Variants in WDR70 observed in about 807,000 individuals in gnomAD.
WDR70 encodes WD repeat domain 70.
A neutral mutation model predicts 88.6 loss-of-function variants in WDR70; 53 were observed. The observed-to-expected ratio is 0.60, with a 90% CI of 0.48 to 0.75. The LOEUF (loss-of-function observed/expected upper bound fraction) is 0.75, where lower values mean the gene tolerates loss of function less well. Ranked by LOEUF, WDR70 falls within the 30% of genes least tolerant of loss-of-function variation. WDR70 has a pLI of 0.00. For synonymous variants in WDR70, 280 were observed against 270.0 expected (o/e 1.04, Z -0.36); for missense variants, 610 against 823.2 (o/e 0.74, Z 3.17).
intron 10 of WDR70, among the ~76,000 whole-genome samples, chr5:37,693,948 C>G (rs565795496): frequency 6.6e-6 from 1 of 152,344 alleles, no homozygotes; most frequent in Non-Finnish European, 1.5e-5. Flanking sequence ...TTTTTGCTAT[C>G]TACCTATCTG....
chr5:37,430,134 G>A (rs2112018943), intron 5 of WDR70, among the ~76,000 whole-genome samples: 1 of 152,252 alleles, frequency 6.6e-6, no homozygotes, highest in East Asian at 1.9e-4. Flanking sequence ...CACCCAGCCT[G>A]TTTTAAAGTT....
chr5:37,408,346 C>T (rs1226811596), intron 5 of WDR70, among the ~76,000 whole-genome samples: 4 of 152,018 alleles, frequency 2.6e-5, no homozygotes, highest in South Asian at 2.1e-4. Context: ...TCATGGCACA[C>T]GCCTGTAATC....
chr5:37,605,122 C>A lies in WDR70; in HGVS notation c.976C>A (p.Arg326=). ...PKKQKSVFKP[R]TMQGKKVIPT... is the part of the protein sequence containing the mutation. ...GAAGCAAAAAAGTGTGTTTAAACCA[C>A]GGACGATGCAAGGCAAAAAAGTCAT... Residue 326 remains arginine (R), a synonymous_variant, in exon 10 of 18, where the codon CGG becomes AGG. Coordinates refer to ENST00000265107, the MANE Select transcript of WDR70 (RefSeq NM_018034.4). 6.2e-7 allele frequency: 1 copy of A among 1,612,734 alleles called. No homozygotes were observed. Among genetic ancestry groups the A allele is most frequent in the Non-Finnish European group, 8.5e-7 (1 of 1,179,462 alleles).
intron 8 of WDR70, among the ~76,000 whole-genome samples, chr5:37,499,035 G>T (rs539134617): frequency 6.6e-6 from 1 of 152,070 alleles, no homozygotes; most frequent in Admixed American, 6.5e-5. Context: ...CATTCAAATA[G>T]GTGTTTAGTG....
chr5:37,543,930 G>A (rs963154977), intron 9 of WDR70, among the ~76,000 whole-genome samples: 1 of 152,022 alleles, frequency 6.6e-6, no homozygotes, highest in Admixed American at 6.6e-5. Flanking sequence ...TGCCACACCT[G>A]GCTAATCTTT....
Position 37,752,685 on chromosome 5 carries a change from T to G in WDR70, c.*112T>G. On this transcript the variant is annotated 3_prime_UTR_variant, in exon 18 of 18. Coordinates refer to ENST00000265107, the MANE Select transcript of WDR70 (RefSeq NM_018034.4). ...TCATTTTTATGAACAGGTTTTGTCC[T>G]TTGCATTATTGAACTGGTCAAAAGT... 2 of 823,068 alleles carry G rather than the reference T, an allele frequency of 2.4e-6. No homozygotes were observed. The allele number at this position is 823,068 out of a possible 1,614,324, so 51.0% of individuals were successfully genotyped here.
chr5:37,396,663 C>T lies in WDR70; in HGVS notation c.492+93C>T, dbSNP rs560114974. On this transcript the variant is annotated intron_variant, in intron 5 of 17. Transcript: ENST00000265107. ...TAAACTGTTTTTCATGAGTAAGAGC[C>T]AATTTAAAAACTGAGGAAAGGCCGG... 32 of 1,434,696 alleles carry T rather than the reference C, an allele frequency of 2.2e-5. No homozygotes were observed. The South Asian group carries it at 4.5e-4, about 20-fold the overall frequency. 88.9% of individuals were successfully genotyped at this position (1,434,696 alleles called of 1,614,324 possible).
In WDR70 at chr5:37,483,746, C is replaced by T. The variant is rs562525056; in HGVS notation, c.840+3759C>T. On this transcript the variant is annotated intron_variant, in intron 8 of 17. Transcript: ENST00000265107. Reference sequence around the variant, plus strand: ...GAGGAGGTGCCCCCCACCTCCCTCCCGGACGGGGCGGCTGGCCGGGCGGGG... The same window carrying T: ...GAGGAGGTGCCCCCCACCTCCCTCCTGGACGGGGCGGCTGGCCGGGCGGGG... 3.2e-3 allele frequency among the ~76,000 whole-genome samples: 484 copies of T among 150,002 alleles called. 1 individual carries two copies. The highest frequency in any genetic ancestry group is 0.011 in the African/African-American group (438 of 40,688).
At chr5:37,640,791 TTTTC>T (rs1205764566) in intron 10 of WDR70, among the ~76,000 whole-genome samples, 2 of 152,230 alleles carry the variant, frequency 1.3e-5, no homozygotes, top group African/African-American at 4.8e-5. Flanking sequence ...GAATTGGAAC[TTTTC>T]TTTCTATCAG....
At chr5:37,506,909 C>T in intron 8 of WDR70, 2 of 900,032 alleles carry the variant, frequency 2.2e-6, no homozygotes, top group Middle Eastern at 3.4e-4. Context: ...CCACTTGGTC[C>T]TCCTCCCACC....
intron 2 of WDR70, among the ~76,000 whole-genome samples, chr5:37,380,876 AG>A (rs763042247): frequency 6.6e-6 from 1 of 152,122 alleles, no homozygotes; most frequent in Non-Finnish European, 1.5e-5. Context: ...CAATCTCCTG[AG>A]CTCAAGCAGT....
chr5:37,442,388 G>C (rs1421950141), intron 6 of WDR70, among the ~76,000 whole-genome samples: 1 of 148,878 alleles, frequency 6.7e-6, no homozygotes, highest in African/African-American at 2.5e-5. Flanking sequence ...ACCCAGGGTG[G>C]AATGCAGTGG....
intron 5 of WDR70, among the ~76,000 whole-genome samples, chr5:37,413,083 G>C (rs1215528525): frequency 6.6e-6 from 1 of 152,102 alleles, no homozygotes; most frequent in Non-Finnish European, 1.5e-5. Flanking sequence ...CTTTAAAACA[G>C]AGTAATTTAA....
chr5:37,695,324 G>A lies in WDR70; in HGVS notation c.1093-2331G>A, dbSNP rs74368968. ...GTCCCACCTCCAACATTGTGAATTAGAATTTGACATGAGATTTGGGTGGGG... is the reference window on the plus strand; with the variant it reads ...GTCCCACCTCCAACATTGTGAATTAAAATTTGACATGAGATTTGGGTGGGG... On this transcript the variant is annotated intron_variant, in intron 10 of 17. Transcript: ENST00000265107. Among the ~76,000 whole-genome samples the A allele has an allele frequency of 2.0e-5, 3 of 152,276 alleles. No individual in the cohort carries two copies. The East Asian group carries it at 5.8e-4, about 29-fold the overall frequency.
chr5:37,712,700 T>A (rs541961106), intron 13 of WDR70, among the ~76,000 whole-genome samples: 2 of 152,150 alleles, frequency 1.3e-5, no homozygotes, highest in African/African-American at 4.8e-5. Flanking sequence ...AAAAACTTTT[T>A]AATTTTATTT....
At chr5:37,487,600 AATATATAT>A (rs70978824) in intron 8 of WDR70, among the ~76,000 whole-genome samples, 26 of 84,752 alleles carry the variant, frequency 3.1e-4, no homozygotes, top group East Asian at 1.9e-3. Flanking sequence ...TGTATATATA[AATATATAT>A]ATATATATAT....
intron 13 of WDR70, among the ~76,000 whole-genome samples, chr5:37,704,608 GTCT>G (rs751421898): frequency 2.6e-5 from 4 of 152,158 alleles, no homozygotes; most frequent in Non-Finnish European, 5.9e-5. Flanking sequence ...GGTTTCGTCT[GTCT>G]TCTTCTACCA....
chr5:37,487,535 T>G (rs928255970), intron 8 of WDR70, among the ~76,000 whole-genome samples: 19 of 148,790 alleles, frequency 1.3e-4, no homozygotes, highest in African/African-American at 4.7e-4. Flanking sequence ...TTATATTAAG[T>G]TGTTATATTA....
rs1748852847 is a variant in WDR70 at position 37,752,804 on chromosome 5, A to G, written c.*231A>G. On this transcript the variant is annotated 3_prime_UTR_variant, in exon 18 of 18. Transcript: ENST00000265107. ...TAAACAAGAAACAGATTCTTAGTCT[A>G]TTACCAAGTACTTTAGGTATTTGGA... 2 of 416,460 alleles carry G rather than the reference A, an allele frequency of 4.8e-6. No individual in the cohort carries two copies. The highest frequency in any genetic ancestry group is 4.6e-5 in the East Asian group (1 of 21,694). The allele number at this position is 416,460 out of a possible 1,614,324, so 25.8% of individuals were successfully genotyped here. A position where few individuals can be genotyped will look rare whatever the true frequency, so the allele number is the denominator to read the frequency against.
Sources: allele counts gnomAD v4.1 joint callset (sites outside exome capture counted in the v4.1 genomes callset), GRCh38; gene constraint gnomAD v4.1.1; transcripts MANE v1.5; gene names NCBI Gene and HGNC (gene_info 2026-07-23, HGNC 2026-07-21).